Variants in CRPPA observed in about 807,000 individuals in gnomAD.
The protein encoded by CRPPA is D-ribitol-5-phosphate cytidylyltransferase.
CRPPA carries 43 observed loss-of-function variants against 52.0 expected under a neutral mutation model. That is an observed-to-expected ratio of 0.83 (90% confidence interval 0.65 to 1.07). The LOEUF (loss-of-function observed/expected upper bound fraction) is 1.07. Among genes scored for constraint, CRPPA ranks in the 50% least tolerant of loss-of-function variants. The pLI is 0.00. For missense variants in CRPPA, 629 were observed against 551.7 expected, an observed-to-expected ratio of 1.14 and a Z score of -1.40; for synonymous variants, 250 against 203.5, an observed-to-expected ratio of 1.23 and a Z score of -1.94.
intron 6 of CRPPA, among the ~76,000 whole-genome samples, chr7:16,272,448 T>G (rs1211898613): frequency 6.6e-6 from 1 of 152,160 alleles, no homozygotes; most frequent in Admixed American, 6.5e-5. Context: ...AATCCTCCCA[T>G]TATGTGTTGA....
At chr7:16,374,747 A>C (rs912978083) in intron 3 of CRPPA, among the ~76,000 whole-genome samples, 34 of 151,982 alleles carry the variant, frequency 2.2e-4, no homozygotes, top group East Asian at 1.6e-3. Context: ...ATCCACTCTC[A>C]CTTTACCACT....
At chr7:16,180,732 T>C (rs376303414) in intron 9 of CRPPA, among the ~76,000 whole-genome samples, 1 of 152,072 alleles carries the variant, frequency 6.6e-6, no homozygotes, top group Non-Finnish European at 1.5e-5. Flanking sequence ...ATAAATTCTA[T>C]GGTAAATATT....
At chr7:16,227,557 T>C (rs1260310970) in intron 8 of CRPPA, among the ~76,000 whole-genome samples, 1 of 151,902 alleles carries the variant, frequency 6.6e-6, no homozygotes, top group Non-Finnish European at 1.5e-5. Context: ...GGTCTTCTAC[T>C]GTTTTGTTAA....
chr7:16,299,768 T>C (rs931075538), intron 5 of CRPPA, among the ~76,000 whole-genome samples: 2 of 152,186 alleles, frequency 1.3e-5, no homozygotes, highest in South Asian at 2.1e-4. Context: ...ACCTATTACA[T>C]AGACAAAAGC....
intron 6 of CRPPA, among the ~76,000 whole-genome samples, chr7:16,275,370 C>T (rs1169649053): frequency 2.0e-5 from 3 of 152,114 alleles, no homozygotes; most frequent in Non-Finnish European, 4.4e-5. Context: ...AACCAATAAA[C>T]AGAAGCACCG....
chr7:16,197,727 G>A (rs578215424), intron 9 of CRPPA, among the ~76,000 whole-genome samples: 1 of 149,398 alleles, frequency 6.7e-6, no homozygotes, highest in African/African-American at 2.5e-5. Context: ...GGCAATGTGG[G>A]GAAAAGCAAG....
At chr7:16,241,469 A>T (rs1783106517) in intron 8 of CRPPA, among the ~76,000 whole-genome samples, 1 of 152,152 alleles carries the variant, frequency 6.6e-6, no homozygotes, top group Non-Finnish European at 1.5e-5. Context: ...TTATCTAGAT[A>T]ATTACAGTAA....
intron 8 of CRPPA, among the ~76,000 whole-genome samples, chr7:16,221,138 C>T (rs541414700): frequency 6.6e-6 from 1 of 152,122 alleles, no homozygotes; most frequent in East Asian, 1.9e-4. Flanking sequence ...AGAAATAACG[C>T]CACATATCTA....
At chr7:16,117,784 T>C (rs938485944) in intron 9 of CRPPA, among the ~76,000 whole-genome samples, 1 of 152,186 alleles carries the variant, frequency 6.6e-6, no homozygotes, top group Non-Finnish European at 1.5e-5. Flanking sequence ...CCAGAATCCA[T>C]TCATGCTGCA....
At chr7:16,291,448 C>G (rs1379342842) in intron 5 of CRPPA, among the ~76,000 whole-genome samples, 1 of 151,702 alleles carries the variant, frequency 6.6e-6, no homozygotes. Context: ...ATGGATAGAA[C>G]TGGAAGTCAT....
chr7:16,300,668 T>C (rs952099742), intron 5 of CRPPA, among the ~76,000 whole-genome samples: 1 of 152,184 alleles, frequency 6.6e-6, no homozygotes, highest in Non-Finnish European at 1.5e-5. Context: ...GCTAAACAAC[T>C]TGTAATGCAC....
At chr7:16,227,931 T>C (rs564282651) in intron 8 of CRPPA, among the ~76,000 whole-genome samples, 2 of 152,040 alleles carry the variant, frequency 1.3e-5, no homozygotes, top group East Asian at 1.9e-4. Flanking sequence ...TGGTGTGAGA[T>C]AAGGGTCTAA....
chr7:16,297,437 A>T (rs1163566244), intron 5 of CRPPA, among the ~76,000 whole-genome samples: 3 of 152,170 alleles, frequency 2.0e-5, no homozygotes. Flanking sequence ...GGAGAGTGGT[A>T]AGGCAGGAGA....
intron 9 of CRPPA, among the ~76,000 whole-genome samples, chr7:16,179,526 G>C (rs924036543): frequency 6.6e-6 from 1 of 152,030 alleles, no homozygotes; most frequent in Non-Finnish European, 1.5e-5. Context: ...TGGAGGCAGA[G>C]ACTGAAGTCT....
chr7:16,342,782 A>AAAAAAAAAAATAC (rs1554335212), intron 3 of CRPPA, among the ~76,000 whole-genome samples: 1 of 76,542 alleles, frequency 1.3e-5, no homozygotes, highest in Non-Finnish European at 2.8e-5. Flanking sequence ...AAAAAAAAAA[A>AAAAAAAAAAATAC]ATATATATAT....
intron 9 of CRPPA, among the ~76,000 whole-genome samples, chr7:16,198,648 C>T (rs977225014): frequency 2.7e-5 from 4 of 148,218 alleles, no homozygotes; most frequent in African/African-American, 1.0e-4. Flanking sequence ...TCCCACCTTA[C>T]GAGAAACACC....
At chr7:16,394,408 A>G (rs983465856) in intron 2 of CRPPA, among the ~76,000 whole-genome samples, 2 of 152,168 alleles carry the variant, frequency 1.3e-5, no homozygotes, top group Non-Finnish European at 2.9e-5. Flanking sequence ...TAGCCAAAAC[A>G]TTCTTCAGGA....
At chr7:16,156,825 G>GTAGAGA (rs1783190503) in intron 9 of CRPPA, among the ~76,000 whole-genome samples, 1 of 152,072 alleles carries the variant, frequency 6.6e-6, no homozygotes, top group African/African-American at 2.4e-5. Context: ...AAAAGTATTT[G>GTAGAGA]CATTAGTAGA....
chr7:16,090,530 C>G lies in CRPPA; in HGVS notation c.*1165G>C, dbSNP rs1781813391. On this transcript the variant is annotated 3_prime_UTR_variant, in exon 10 of 10. Transcript: ENST00000407010. ...ACCAGCCTGGCCTACATGGCGAAAA[C>G]CCTTCTCTACTAAAAATACAAAAAA... 7.0e-6 allele frequency: 1 copy of G among 142,568 alleles called. No individual in the cohort carries two copies. The highest frequency in any genetic ancestry group is 2.6e-5 in the African/African-American group (1 of 38,544). The allele number at this position is 142,568 out of a possible 1,614,324, so 8.8% of individuals were successfully genotyped here. A position where few individuals can be genotyped will look rare whatever the true frequency, so the allele number is the denominator to read the frequency against.
Sources: allele counts gnomAD v4.1 joint callset (sites outside exome capture counted in the v4.1 genomes callset), GRCh38; gene constraint gnomAD v4.1.1; transcripts MANE v1.5; gene names NCBI Gene and HGNC (gene_info 2026-07-23, HGNC 2026-07-21).